Variants in GASK1A observed in about 807,000 individuals in gnomAD.
The protein encoded by GASK1A is Golgi-associated kinase 1A.
A neutral mutation model predicts 41.2 loss-of-function variants in GASK1A; 40 were observed. The ratio of observed to expected loss-of-function variants is 0.97; its 90% CI spans 0.75 to 1.27. The LOEUF is 1.27. Among genes scored for constraint, GASK1A ranks in the 50% most tolerant of loss-of-function variants. The pLI is 0.00. For synonymous variants in GASK1A, 316 were observed against 307.1 expected (o/e 1.03, Z -0.30); for missense variants, 678 against 745.1 (o/e 0.91, Z 1.05).
intron 1 of GASK1A, among the ~76,000 whole-genome samples, chr3:42,985,969 C>G: frequency 6.6e-6 from 1 of 152,194 alleles, no homozygotes; most frequent in East Asian, 1.9e-4. Context: ...TCCCAGCAAT[C>G]CCATTCCTGT....
intron 3 of GASK1A, among the ~76,000 whole-genome samples, chr3:43,054,630 G>T (rs552315291): frequency 1.2e-4 from 18 of 152,322 alleles, no homozygotes; most frequent in Admixed American, 2.0e-4. Flanking sequence ...GGAGAGGATT[G>T]TGGGAAATGC....
At chr3:43,007,542 C>T (rs2089442593) in intron 1 of GASK1A, among the ~76,000 whole-genome samples, 1 of 152,146 alleles carries the variant, frequency 6.6e-6, no homozygotes, top group Non-Finnish European at 1.5e-5. Context: ...CTGTTGGGGG[C>T]TCCCTTGGTG....
chr3:43,012,413 C>T (rs1030670284), intron 1 of GASK1A, among the ~76,000 whole-genome samples: 14 of 149,342 alleles, frequency 9.4e-5, no homozygotes, highest in African/African-American at 3.5e-4. Flanking sequence ...GGTGAACTTA[C>T]AGGAAGTGGC....
At chr3:43,055,103 C>T (rs914908252) in intron 3 of GASK1A, among the ~76,000 whole-genome samples, 11 of 152,170 alleles carry the variant, frequency 7.2e-5, no homozygotes, top group East Asian at 3.9e-4. Flanking sequence ...CCCATGGGTC[C>T]GGGTTTGAAA....
At chr3:43,025,090 C>T (rs2089540613) in intron 1 of GASK1A, among the ~76,000 whole-genome samples, 1 of 152,124 alleles carries the variant, frequency 6.6e-6, no homozygotes, top group African/African-American at 2.4e-5. Flanking sequence ...ATGGCTAGAG[C>T]ACTTCCGGCA....
intron 1 of GASK1A, among the ~76,000 whole-genome samples, chr3:43,024,010 C>T (rs1346566541): frequency 5.9e-5 from 9 of 152,210 alleles, no homozygotes; most frequent in Middle Eastern, 3.4e-3. Context: ...TGGAGTCAAT[C>T]GGGGGCCACG....
intron 2 of GASK1A, among the ~76,000 whole-genome samples, chr3:43,049,976 C>T (rs2089680939): frequency 6.8e-6 from 1 of 147,496 alleles, no homozygotes. Flanking sequence ...TATACATTTT[C>T]TGCCCATCAG....
At position 42,984,235 on chromosome 3, in the gene GASK1A, G is replaced by A. The variant is rs2089296392; in HGVS notation, c.3+4590G>A. 1.3e-5 allele frequency among the ~76,000 whole-genome samples: 2 copies of A among 152,068 alleles called. No individual in the cohort carries two copies. The highest frequency in any genetic ancestry group is 2.9e-5 in the Non-Finnish European group (2 of 68,016). ...CCACTTGGCCTGAGATTGAGGATGAGAGGGAGCCATGATTGTGGGAAAATC... is the reference window on the plus strand; with the variant it reads ...CCACTTGGCCTGAGATTGAGGATGAAAGGGAGCCATGATTGTGGGAAAATC... On this transcript the variant is annotated intron_variant, in intron 1 of 4. Transcript: ENST00000430121. The surrounding 1 kb of genome is among the most constrained non-coding windows in gnomAD (Gnocchi z 4.2).
chr3:42,991,264 C>G (rs758038466), intron 1 of GASK1A, among the ~76,000 whole-genome samples: 2 of 152,144 alleles, frequency 1.3e-5, no homozygotes, highest in African/African-American at 2.4e-5. Context: ...TTTCAGCCCC[C>G]TAAAGTGTTG....
chr3:43,050,429 A>T (rs2125692103), intron 2 of GASK1A, among the ~76,000 whole-genome samples: 1 of 152,156 alleles, frequency 6.6e-6, no homozygotes, highest in Middle Eastern at 3.4e-3. Context: ...TTATGTGATG[A>T]GTGACTTCTG....
intron 1 of GASK1A, among the ~76,000 whole-genome samples, chr3:43,003,804 A>G (rs780433370): frequency 6.6e-6 from 1 of 152,248 alleles, no homozygotes; most frequent in East Asian, 1.9e-4. Flanking sequence ...ATTTGTAAAT[A>G]GTGGAAAAAA....
At chr3:43,003,274 C>T (rs2089419176) in intron 1 of GASK1A, among the ~76,000 whole-genome samples, 2 of 152,132 alleles carry the variant, frequency 1.3e-5, no homozygotes, top group South Asian at 2.1e-4. Flanking sequence ...GCAGGCAGAT[C>T]GCCTGAGGTC....
chr3:42,986,197 A>T (rs2089308554), intron 1 of GASK1A, among the ~76,000 whole-genome samples: 1 of 152,242 alleles, frequency 6.6e-6, no homozygotes, highest in Non-Finnish European at 1.5e-5. Context: ...CAAAGGCATT[A>T]TGCTGACTGG....
chr3:43,043,435 A>T (rs1379934614), intron 2 of GASK1A, among the ~76,000 whole-genome samples: 1 of 152,136 alleles, frequency 6.6e-6, no homozygotes, highest in Non-Finnish European at 1.5e-5. Context: ...AGAGGCAGTG[A>T]CCCTACTATA....
chr3:43,044,278 A>G (rs1469050155), intron 2 of GASK1A, among the ~76,000 whole-genome samples: 1 of 152,150 alleles, frequency 6.6e-6, no homozygotes, highest in African/African-American at 2.4e-5. Flanking sequence ...TGTCTCACAG[A>G]TATGTTGCGC....
chr3:43,010,327 C>CT (rs1389467711), intron 1 of GASK1A, among the ~76,000 whole-genome samples: 3 of 152,190 alleles, frequency 2.0e-5, no homozygotes, highest in Non-Finnish European at 2.9e-5. Flanking sequence ...AGGCCATACT[C>CT]TTCAGTAGAA....
intron 1 of GASK1A, among the ~76,000 whole-genome samples, chr3:42,986,406 C>G (rs1427590911): frequency 1.3e-5 from 2 of 152,054 alleles, no homozygotes; most frequent in Admixed American, 1.3e-4. Context: ...GGTGGACATG[C>G]AAATCTAATA....
chr3:43,045,132 C>G (rs2089656101), intron 2 of GASK1A, among the ~76,000 whole-genome samples: 1 of 152,212 alleles, frequency 6.6e-6, no homozygotes, highest in Non-Finnish European at 1.5e-5. Flanking sequence ...AGAATATGCT[C>G]TGCTGCTTGA....
chr3:43,046,097 C>G (rs2089661179), intron 2 of GASK1A, among the ~76,000 whole-genome samples: 2 of 152,096 alleles, frequency 1.3e-5, no homozygotes, highest in African/African-American at 4.8e-5. Flanking sequence ...ATAAAGGTAC[C>G]TAAAAATGTG....
Sources: allele counts gnomAD v4.1 joint callset (sites outside exome capture counted in the v4.1 genomes callset), GRCh38; gene constraint gnomAD v4.1.1; non-coding constraint Gnocchi (gnomAD v3.1); transcripts MANE v1.5; gene names NCBI Gene and HGNC (gene_info 2026-07-23, HGNC 2026-07-21).